SEC14L1: variants seen among roughly 807,000 people sequenced by gnomAD.
SEC14L1 encodes SEC14 like lipid binding 1.
SEC14L1 carries 48 observed loss-of-function variants against 85.3 expected under a neutral mutation model. The ratio of observed to expected loss-of-function variants is 0.56; its 90% CI spans 0.45 to 0.72. The LOEUF (loss-of-function observed/expected upper bound fraction) is 0.72. Ranked by LOEUF, SEC14L1 falls within the 30% of genes least tolerant of loss-of-function variation. SEC14L1 has a pLI of 0.00. For missense variants in SEC14L1, 682 were observed against 921.4 expected (o/e 0.74, Z 3.36); for synonymous variants, 391 against 355.5 (o/e 1.10, Z -1.12).
intron 3 of SEC14L1, among the ~76,000 whole-genome samples, chr17:77,175,619 A>G (rs1974719063): frequency 6.6e-6 from 1 of 152,206 alleles, no homozygotes; most frequent in Non-Finnish European, 1.5e-5. Flanking sequence ...CTTAGATAAA[A>G]CAATACTTGA....
chr17:77,131,529 CA>C (rs1972610865), intron 3 of SEC14L1, among the ~76,000 whole-genome samples: 1 of 152,240 alleles, frequency 6.6e-6, no homozygotes, highest in Non-Finnish European at 1.5e-5. Flanking sequence ...CTCGACCTCC[CA>C]AAGTGCTGGG....
chr17:77,205,578 C>T (rs1340465536), intron 11 of SEC14L1, among the ~76,000 whole-genome samples: 1 of 152,162 alleles, frequency 6.6e-6, no homozygotes, highest in Non-Finnish European at 1.5e-5. Context: ...TTAGTCTGTG[C>T]GGGCCGCAGG....
intron 3 of SEC14L1, among the ~76,000 whole-genome samples, chr17:77,150,579 C>T (rs1300483539): frequency 1.3e-5 from 2 of 152,226 alleles, no homozygotes; most frequent in Non-Finnish European, 2.9e-5. Flanking sequence ...ACTCGCGACT[C>T]ATATATCTTA....
chr17:77,201,869 C>T (rs184356980), intron 9 of SEC14L1, among the ~76,000 whole-genome samples: 1 of 152,176 alleles, frequency 6.6e-6, no homozygotes, highest in Admixed American at 6.5e-5. Flanking sequence ...CTAGACTCTC[C>T]TGGGAGATGA....
At chr17:77,211,522 C>G (rs1976750183) in intron 14 of SEC14L1, 1 of 177,578 alleles carries the variant, frequency 5.6e-6, no homozygotes. Flanking sequence ...CCTGCTTCCC[C>G]CTTGCTGGGA....
At chr17:77,211,901 C>T (rs367789729) in intron 14 of SEC14L1, 49 bp from the exon 15 acceptor site, 16 of 1,599,988 alleles carry the variant, frequency 1.0e-5, no homozygotes, top group African/African-American at 4.0e-5. Flanking sequence ...CGCAGCATGC[C>T]GGCCTGGTGC....
upstream of SEC14L1, chr17:77,140,739 A>T (rs1598283973): frequency 6.6e-6 from 1 of 150,764 alleles, no homozygotes; most frequent in Non-Finnish European, 1.5e-5. Flanking sequence ...CAGCAGTGCG[A>T]CGGGGCCGGC....
chr17:77,200,353 G>C (rs1327580301), intron 8 of SEC14L1, 131 bp from the exon 9 acceptor site: 1 of 647,608 alleles, frequency 1.5e-6, no homozygotes, highest in Non-Finnish European at 2.6e-6. Flanking sequence ...ATTTTTAGTA[G>C]AGATGGCATT....
intron 5 of SEC14L1, among the ~76,000 whole-genome samples, chr17:77,192,564 T>C (rs1975598460): frequency 6.6e-6 from 1 of 152,042 alleles, no homozygotes; most frequent in Non-Finnish European, 1.5e-5. Flanking sequence ...CTTCCCTACG[T>C]CTCTAGTCTC....
chr17:77,137,443 A>G (rs936133881), upstream of SEC14L1, among the ~76,000 whole-genome samples: 1 of 152,140 alleles, frequency 6.6e-6, no homozygotes, highest in Non-Finnish European at 1.5e-5. Context: ...AGAAGATCTC[A>G]TGTGAACTTA....
intron 1 of SEC14L1, among the ~76,000 whole-genome samples, chr17:77,142,011 G>C (rs1486160589): frequency 6.6e-6 from 1 of 152,168 alleles, no homozygotes; most frequent in African/African-American, 2.4e-5. Flanking sequence ...AAAGCTTCAA[G>C]TTGAGTTTGG....
intron 9 of SEC14L1, among the ~76,000 whole-genome samples, chr17:77,203,213 T>A (rs980535395): frequency 6.6e-6 from 1 of 152,162 alleles, no homozygotes; most frequent in African/African-American, 2.4e-5. Flanking sequence ...CAGCCCCAGT[T>A]GTTCAAAGTG....
upstream of SEC14L1, among the ~76,000 whole-genome samples, chr17:77,139,300 T>C (rs140068310): frequency 3.0e-4 from 46 of 151,904 alleles, no homozygotes; most frequent in Non-Finnish European, 5.4e-4. Context: ...GCCTCCCAAG[T>C]AGCTGGGATT....
rs1330068513 is a variant in SEC14L1 at position 77,125,266 on chromosome 17, G to A, written c.-135-17380G>A. ...CCCGCCTCGGCCTCCCAAAGTGCTGGGATTACAGGCATGAGCCACCTTGCC... is the reference window on the plus strand; with the variant it reads ...CCCGCCTCGGCCTCCCAAAGTGCTGAGATTACAGGCATGAGCCACCTTGCC... On this transcript the variant is annotated intron_variant, in intron 3 of 19. Coordinates refer to the SEC14L1 transcript ENST00000392476. Among the ~76,000 whole-genome samples, 6 of 151,828 alleles carry A rather than the reference G, an allele frequency of 4.0e-5. No homozygotes were observed. The East Asian group carries it at 1.2e-3, about 29-fold the overall frequency.
intron 3 of SEC14L1, among the ~76,000 whole-genome samples, chr17:77,127,345 G>GTTTTC (rs72350761): frequency 9.9e-5 from 15 of 151,814 alleles, no homozygotes; most frequent in Non-Finnish European, 1.9e-4. Context: ...CAAGGGGTCT[G>GTTTTC]TTTTCTTTTC....
intron 3 of SEC14L1, among the ~76,000 whole-genome samples, chr17:77,116,516 G>C (rs779813953): frequency 1.1e-4 from 17 of 152,158 alleles, no homozygotes; most frequent in Non-Finnish European, 2.1e-4. Context: ...TCAAAGTAAA[G>C]TTCTGGAGTG....
At chr17:77,154,637 G>GTTT (rs56749767) in intron 3 of SEC14L1, among the ~76,000 whole-genome samples, 2 of 146,964 alleles carry the variant, frequency 1.4e-5, no homozygotes, top group African/African-American at 5.0e-5. Context: ...GGTTTTTTTT[G>GTTT]TTTTTTTTTG....
At chr17:77,139,461 C>T (rs1029136636), upstream of SEC14L1, among the ~76,000 whole-genome samples, 5 of 151,494 alleles carry the variant, frequency 3.3e-5, no homozygotes, top group Non-Finnish European at 7.4e-5. Flanking sequence ...CGTGAGCCAC[C>T]GCAACGGCGT....
chr17:77,147,345 T>G (rs1171294177), intron 3 of SEC14L1, among the ~76,000 whole-genome samples: 1 of 151,894 alleles, frequency 6.6e-6, no homozygotes, highest in Non-Finnish European at 1.5e-5. Flanking sequence ...TAATGAAAAT[T>G]TACCATTTGT....
Sources: allele counts gnomAD v4.1 joint callset (sites outside exome capture counted in the v4.1 genomes callset), GRCh38; gene constraint gnomAD v4.1.1; transcripts MANE v1.5; gene names NCBI Gene and HGNC (gene_info 2026-07-23, HGNC 2026-07-21).